The following ZNF521 variants were observed in gnomAD, a reference collection of about 807,000 sequenced individuals.
ZNF521 encodes the protein LYST-interacting protein 3.
Under a neutral mutation model 105.5 loss-of-function variants are expected in ZNF521, and 14 were observed. The observed-to-expected ratio is 0.13, with a 90% CI of 0.09 to 0.21. ZNF521 has a LOEUF of 0.21. Ranked by LOEUF, ZNF521 falls within the 10% of genes least tolerant of loss-of-function variation. The pLI, the probability that ZNF521 is intolerant of heterozygous loss-of-function variation, is 1.00. For synonymous variants in ZNF521, 635 were observed against 606.0 expected, an observed-to-expected ratio of 1.05 and a Z score of -0.70; for missense variants, 1,233 against 1,629.7, an observed-to-expected ratio of 0.76 and a Z score of 4.19.
At chr18:25,183,988 A>G (rs914671003) in intron 5 of ZNF521, among the ~76,000 whole-genome samples, 19 of 152,312 alleles carry the variant, frequency 1.2e-4, no homozygotes, top group African/African-American at 4.6e-4. Flanking sequence ...AGGGGATGGT[A>G]TATTTTTTGG....
At chr18:25,099,797 G>A (rs575333130) in intron 5 of ZNF521, among the ~76,000 whole-genome samples, 30 of 152,310 alleles carry the variant, frequency 2.0e-4, no homozygotes, top group African/African-American at 7.2e-4. Flanking sequence ...ACTTCCGGCA[G>A]TAGTGGAAGT....
intron 3 of ZNF521, among the ~76,000 whole-genome samples, chr18:25,313,388 A>G (rs1470976419): frequency 6.6e-6 from 1 of 152,222 alleles, no homozygotes. Flanking sequence ...TCAACAAGAA[A>G]ACAGCAAATC....
At chr18:25,222,003 G>A (rs1030526068) in intron 4 of ZNF521, among the ~76,000 whole-genome samples, 10 of 151,990 alleles carry the variant, frequency 6.6e-5, no homozygotes, top group African/African-American at 1.9e-4. Context: ...TAAAAATGGC[G>A]ATAGTAACGA....
At chr18:25,267,934 C>T (rs1174310020) in intron 3 of ZNF521, among the ~76,000 whole-genome samples, 1 of 152,114 alleles carries the variant, frequency 6.6e-6, no homozygotes, top group Non-Finnish European at 1.5e-5. Context: ...GAATGAGTTT[C>T]ACAAATTGAC....
At chr18:25,221,127 A>G (rs1474165316) in intron 4 of ZNF521, among the ~76,000 whole-genome samples, 2 of 152,240 alleles carry the variant, frequency 1.3e-5, no homozygotes, top group Non-Finnish European at 2.9e-5. Flanking sequence ...CTGCAAATTT[A>G]GATTAATAAT....
intron 5 of ZNF521, among the ~76,000 whole-genome samples, chr18:25,192,841 C>T (rs1282468098): frequency 1.3e-5 from 2 of 151,990 alleles, no homozygotes; most frequent in Non-Finnish European, 2.9e-5. Context: ...CTTTGTGACT[C>T]CCTTGGTTTT....
At chr18:25,259,969 C>T (rs750521440) in intron 3 of ZNF521, among the ~76,000 whole-genome samples, 1 of 152,116 alleles carries the variant, frequency 6.6e-6, no homozygotes, top group Non-Finnish European at 1.5e-5. Context: ...AGTGGGGCTA[C>T]CAGAGCAAAC....
intron 5 of ZNF521, among the ~76,000 whole-genome samples, chr18:25,160,835 G>T (rs1321247638): frequency 6.6e-6 from 1 of 152,132 alleles, no homozygotes; most frequent in African/African-American, 2.4e-5. Context: ...ATATGTGTGT[G>T]TTTTTTCTGT....
At chr18:25,125,430 A>T (rs891788047) in intron 5 of ZNF521, among the ~76,000 whole-genome samples, 9 of 152,158 alleles carry the variant, frequency 5.9e-5, no homozygotes, top group African/African-American at 2.2e-4. Context: ...ATATCAAGAC[A>T]TACCTCATGT....
At chr18:25,306,586 T>C (rs368352287) in intron 3 of ZNF521, among the ~76,000 whole-genome samples, 12 of 152,292 alleles carry the variant, frequency 7.9e-5, no homozygotes, top group Non-Finnish European at 1.6e-4. Context: ...ATGCCTCATA[T>C]TGAAAGACAA....
chr18:25,333,361 C>T (rs554203634), intron 2 of ZNF521, among the ~76,000 whole-genome samples: 227 of 150,654 alleles, frequency 1.5e-3, no homozygotes, highest in African/African-American at 5.2e-3. Context: ...TAAATATATA[C>T]GCGGAGGGAG....
intron 2 of ZNF521, among the ~76,000 whole-genome samples, chr18:25,340,101 G>A (rs11083119): frequency 0.46 from 69,748 of 151,986 alleles, 16,325 homozygotes; most frequent in Middle Eastern, 0.51. Flanking sequence ...TCACGCCTGT[G>A]ATCCCAGCAC....
At chr18:25,319,470 C>A (rs551959382) in intron 3 of ZNF521, among the ~76,000 whole-genome samples, 1 of 151,964 alleles carries the variant, frequency 6.6e-6, no homozygotes, top group African/African-American at 2.4e-5. Context: ...GTGGTATGCA[C>A]CTGCAGTCCC....
At chr18:25,076,189 C>T (rs1007006579) in intron 7 of ZNF521, among the ~76,000 whole-genome samples, 2 of 152,088 alleles carry the variant, frequency 1.3e-5, no homozygotes, top group African/African-American at 2.4e-5. Flanking sequence ...TCAAAAACCT[C>T]GAAAATGGTA....
At chr18:25,341,699 C>G (rs1914209666) in intron 2 of ZNF521, among the ~76,000 whole-genome samples, 1 of 152,190 alleles carries the variant, frequency 6.6e-6, no homozygotes, top group Non-Finnish European at 1.5e-5. Context: ...CTCATTTTGT[C>G]TAACTGCTTC....
chr18:25,327,069 T>C (rs966852636), intron 2 of ZNF521, among the ~76,000 whole-genome samples: 1 of 152,062 alleles, frequency 6.6e-6, no homozygotes, highest in Non-Finnish European at 1.5e-5. Context: ...AGGATCTCAG[T>C]AGCCTAAAAC....
At chr18:25,065,227 T>C (rs1253212937) in intron 7 of ZNF521, among the ~76,000 whole-genome samples, 1 of 152,164 alleles carries the variant, frequency 6.6e-6, no homozygotes, top group Admixed American at 6.5e-5. Flanking sequence ...GAAGATACGA[T>C]AATACAGATC....
At chr18:25,253,619 G>C (rs1908265954) in intron 3 of ZNF521, among the ~76,000 whole-genome samples, 1 of 152,030 alleles carries the variant, frequency 6.6e-6, no homozygotes, top group Admixed American at 6.6e-5. Flanking sequence ...AAAAGACATG[G>C]TTCCATTTAG....
At chr18:25,064,705 G>C (rs1176225376) in intron 7 of ZNF521, among the ~76,000 whole-genome samples, 1 of 152,218 alleles carries the variant, frequency 6.6e-6, no homozygotes, top group Non-Finnish European at 1.5e-5. Context: ...TGAATGACCA[G>C]AGGTTCAGCT....
Sources: gnomAD v4.1 joint callset for allele counts (sites outside exome capture counted in the v4.1 genomes callset) on GRCh38, gnomAD v4.1.1 for gene constraint, MANE v1.5 for transcripts, NCBI Gene and HGNC (gene_info 2026-07-23, HGNC 2026-07-21) for gene names.